CIT: variants seen among roughly 807,000 people sequenced by gnomAD.
The protein encoded by CIT is citron Rho-interacting kinase.
Under a neutral mutation model 272.7 loss-of-function variants are expected in CIT, and 79 were observed. The observed-to-expected ratio is 0.29, with a 90% CI of 0.24 to 0.35. The LOEUF (loss-of-function observed/expected upper bound fraction) is 0.35, where lower values mean the gene tolerates loss of function less well. CIT is among the 10% of genes least tolerant of loss of function. CIT has a pLI of 1.00. For synonymous variants in CIT, 948 were observed against 995.6 expected, an observed-to-expected ratio of 0.95 and a Z score of 0.90; for missense variants, 1,909 against 2,618.3, an observed-to-expected ratio of 0.73 and a Z score of 5.91.
At chr12:119,700,379 C>A (rs569025252) in intron 44 of CIT, among the ~76,000 whole-genome samples, 4 of 152,116 alleles carry the variant, frequency 2.6e-5, no homozygotes, top group African/African-American at 9.6e-5. Context: ...CTTGCAATTG[C>A]GGTTTTTTTT....
At chr12:119,813,266 G>T (rs1047468686) in intron 9 of CIT, among the ~76,000 whole-genome samples, 3 of 152,238 alleles carry the variant, frequency 2.0e-5, no homozygotes, top group Non-Finnish European at 2.9e-5. Context: ...CAAACTGCCA[G>T]TGCTGTAGTT....
At chr12:119,777,126 G>A (rs1445412893) in intron 13 of CIT, among the ~76,000 whole-genome samples, 3 of 151,854 alleles carry the variant, frequency 2.0e-5, no homozygotes. Flanking sequence ...GTGGTGGTGC[G>A]GGCCTATAGT....
rs144000496 is a variant in CIT, at chr12:119,859,481, T to C, written c.239-1783A>G. ...AGTCAGTGAGTGGCATTTTAATGAA[T>C]TGGCCAATGTCATTTTTTTCATTTT... is the stretch of plus-strand genomic sequence containing the variant. On this transcript the variant is annotated intron_variant, in intron 3 of 47. Coordinates refer to ENST00000392521, the MANE Select transcript of CIT (RefSeq NM_001206999.2). Among the ~76,000 whole-genome samples, 4 of 152,242 alleles carry C rather than the reference T, an allele frequency of 2.6e-5. No homozygotes were observed. In the East Asian group the frequency reaches 7.7e-4, roughly 29 times the overall value.
rs115465118 is a variant in CIT at position 119,694,021 on chromosome 12, C to A, written c.5883-3567G>T. On this transcript the variant is annotated intron_variant, in intron 46 of 47. Coordinates refer to ENST00000392521, the MANE Select transcript of CIT (RefSeq NM_001206999.2). This position sits in a 1 kb window ranked among gnomAD's most constrained non-coding sequence, Gnocchi z 4.5. Reference sequence around the variant, plus strand: ...GAAGATTATCTTAGGTCATTTATTCCCGGGGTTAAATAATCTCAGACCTTC... The same window carrying A: ...GAAGATTATCTTAGGTCATTTATTCACGGGGTTAAATAATCTCAGACCTTC... Among the ~76,000 whole-genome samples the A allele has an allele frequency of 1.6e-3, 237 of 152,242 alleles. 1 individual carries two copies. Among genetic ancestry groups the A allele is most frequent in the African/African-American group, 5.5e-3 (230 of 41,550 alleles).
intron 18 of CIT, among the ~76,000 whole-genome samples, chr12:119,769,550 G>A (rs368571701): frequency 1.1e-4 from 16 of 152,260 alleles, no homozygotes; most frequent in Non-Finnish European, 1.6e-4. Flanking sequence ...TAACCACTCC[G>A]TTTATACCAA....
chr12:119,708,316 C>T lies in CIT; in HGVS notation c.5074G>A (p.Glu1692Lys). 1 of 1,582,024 alleles carries T rather than the reference C, an allele frequency of 6.3e-7. No individual in the cohort carries two copies. Among genetic ancestry groups the T allele is most frequent in the Non-Finnish European group, 8.6e-7 (1 of 1,163,800 alleles). ...TCCACAAGACACAGTGCCCGCTCTT[C>T]TCCTGAACAGGAAAAGGAACAACCT... ...DLEKLLMIAG[E>K]ERALCLVDVK... Residue 1692 changes from glutamate (E) to lysine (K), a missense_variant and splice_region_variant, in exon 40 of 48, where the codon GAA (glutamate) becomes AAA (lysine). Coordinates refer to ENST00000392521, the MANE Select transcript of CIT (RefSeq NM_001206999.2).
intron 41 of CIT, among the ~76,000 whole-genome samples, chr12:119,702,176 C>T (rs1261299831): frequency 6.6e-6 from 1 of 151,794 alleles, no homozygotes; most frequent in Non-Finnish European, 1.5e-5. Context: ...GTGATCATAG[C>T]TCACTGCAGC....
intron 46 of CIT, among the ~76,000 whole-genome samples, chr12:119,692,537 C>A (rs1341420876): frequency 2.0e-5 from 3 of 152,216 alleles, no homozygotes; most frequent in African/African-American, 7.2e-5. Flanking sequence ...CCGGAAGATG[C>A]TTGTTTTTAT....
At position 119,721,324 on chromosome 12, in the gene CIT, C is replaced by T. The variant is rs781113306; in HGVS notation, c.3717G>A (p.Gln1239=). Residue 1239 remains glutamine, a synonymous_variant, in exon 29 of 48, where the codon CAG becomes CAA. Transcript: ENST00000392521. ...LKTERSDLEY[Q]LENIQVLYSH... ...CAGTCCTCACCTGAATGTTTTCCAG[C>T]TGATACTCCAAGTCACTTCTTTCTG... 1 of 1,601,370 alleles carries T rather than the reference C, an allele frequency of 6.2e-7. No individual in the cohort carries two copies.
At position 119,735,247 on chromosome 12, in the gene CIT, G is replaced by T; in HGVS notation, c.3069C>A (p.Asn1023Lys). The change falls in exon 25 of 48, where the codon AAC becomes AAA. Residue 1023 changes from asparagine (N) to lysine (K), a missense_variant. Coordinates refer to ENST00000392521, the MANE Select transcript of CIT (RefSeq NM_001206999.2). ...SKQLDEASGA[N>K]DEIVQLRSEV... ...CACTTCGCAGTTGTACAATCTCGTC[G>T]TTGGCGCCAGAAGCCTCATCGAGTT... 1 of 1,614,158 alleles carries T rather than the reference G, an allele frequency of 6.2e-7. No individual in the cohort carries two copies. Among genetic ancestry groups the T allele is most frequent in the East Asian group, 2.2e-5 (1 of 44,882 alleles).
intron 28 of CIT, among the ~76,000 whole-genome samples, chr12:119,725,239 A>G (rs925696722): frequency 6.6e-6 from 1 of 152,018 alleles, no homozygotes; most frequent in Non-Finnish European, 1.5e-5. Context: ...CTGGGCCAAC[A>G]TCGTGAAACC....
At chr12:119,755,850 C>T (rs1240199623) in intron 22 of CIT, among the ~76,000 whole-genome samples, 1 of 152,192 alleles carries the variant, frequency 6.6e-6, no homozygotes, top group East Asian at 1.9e-4. Flanking sequence ...AAGAGAGCTA[C>T]CTTTCATCAA....
At chr12:119,789,565 T>C (rs1965121928) in intron 10 of CIT, among the ~76,000 whole-genome samples, 1 of 152,234 alleles carries the variant, frequency 6.6e-6, no homozygotes, top group Non-Finnish European at 1.5e-5. Flanking sequence ...TCATTTTTCA[T>C]GTAGACATGG....
chr12:119,713,347 G>A lies in CIT; in HGVS notation c.4488-53C>T, dbSNP rs114508496. 1,586 of 1,590,896 alleles carry A rather than the reference G, an allele frequency of 1.0e-3. 7 individuals are homozygous for A. The highest frequency in any genetic ancestry group is 8.5e-3 in the African/African-American group (630 of 74,412). ...ATGTCTGAACTCAGAAGAAACATCC[G>A]GCTGGAGGATAGGATGAGGGGGTGG... On this transcript the variant is annotated intron_variant, in intron 34 of 47. Transcript: ENST00000392521. The surrounding 1 kb of genome is among the most constrained non-coding windows in gnomAD (Gnocchi z 5.2).
intron 5 of CIT, among the ~76,000 whole-genome samples, chr12:119,837,307 T>C (rs1247482075): frequency 6.6e-6 from 1 of 152,198 alleles, no homozygotes; most frequent in East Asian, 1.9e-4. Context: ...ATGGAGGCCA[T>C]GGGGAAGATG....
chr12:119,724,284 T>A (rs139172295), intron 28 of CIT, among the ~76,000 whole-genome samples: 2 of 152,234 alleles, frequency 1.3e-5, no homozygotes, highest in Non-Finnish European at 2.9e-5. Flanking sequence ...TGGTAAGTGC[T>A]AATTAAACAT....
At chr12:119,863,872 G>A (rs1950440121) in intron 3 of CIT, among the ~76,000 whole-genome samples, 1 of 151,694 alleles carries the variant, frequency 6.6e-6, no homozygotes, top group South Asian at 2.1e-4. Context: ...GAAGCTGAAG[G>A]ACTCATGTTT....
intron 9 of CIT, among the ~76,000 whole-genome samples, chr12:119,821,986 T>A (rs1458387577): frequency 6.6e-6 from 1 of 152,216 alleles, no homozygotes. Flanking sequence ...CAAGCAATTA[T>A]AATTATAACA....
At chr12:119,717,838 C>CCTTTTTTTTTTTTTTTTTTTTTTTT (rs1957598855) in intron 32 of CIT, among the ~76,000 whole-genome samples, 6 of 81,330 alleles carry the variant, frequency 7.4e-5, no homozygotes, top group Non-Finnish European at 1.1e-4. Flanking sequence ...TGACTTCTTT[C>CCTTTTTTTTTTTTTTTTTTTTTTTT]TTTTTTTTTT....
Sources: gnomAD v4.1 joint callset for allele counts (sites outside exome capture counted in the v4.1 genomes callset) on GRCh38, gnomAD v4.1.1 for gene constraint, Gnocchi (gnomAD v3.1) non-coding constraint, MANE v1.5 for transcripts, NCBI Gene and HGNC (gene_info 2026-07-23, HGNC 2026-07-21) for gene names.